The following PLEKHG4B variants were observed in gnomAD, a reference collection of about 807,000 sequenced individuals.
PLEKHG4B encodes pleckstrin homology domain-containing family G member 4B.
A neutral mutation model predicts 121.3 loss-of-function variants in PLEKHG4B; 111 were observed. The observed-to-expected ratio is 0.92, with a 90% CI of 0.78 to 1.07. The LOEUF is 1.07. Ranked by LOEUF, PLEKHG4B falls within the 50% of genes least tolerant of loss-of-function variation. The pLI, the probability that PLEKHG4B is intolerant of heterozygous loss-of-function variation, is 0.00. For missense variants in PLEKHG4B, 1,831 were observed against 1,757.8 expected (o/e 1.04, Z -0.74); for synonymous variants, 738 against 725.0 (o/e 1.02, Z -0.29).
chr5:106,889 C>G (rs541219439), intron 1 of PLEKHG4B, among the ~76,000 whole-genome samples: 3 of 152,252 alleles, frequency 2.0e-5, no homozygotes, highest in Admixed American at 1.3e-4. Flanking sequence ...GGGCGCAGTT[C>G]TCGTGTATGT....
intron 6 of PLEKHG4B, among the ~76,000 whole-genome samples, chr5:147,626 T>TA (rs1735462694): frequency 6.6e-6 from 1 of 152,216 alleles, no homozygotes; most frequent in African/African-American, 2.4e-5. Context: ...ACAAGGTAGA[T>TA]ACAGTGTGAA....
intron 1 of PLEKHG4B, among the ~76,000 whole-genome samples, chr5:93,477 A>AC (rs757246393): frequency 2.6e-4 from 37 of 141,546 alleles, no homozygotes; most frequent in Non-Finnish European, 4.1e-4. Context: ...GTGTTTGGTG[A>AC]CCCCCCCACC....
chr5:102,993 C>T lies in PLEKHG4B; in HGVS notation c.46-10258C>T, dbSNP rs545392977. 4.2e-4 allele frequency among the ~76,000 whole-genome samples: 64 copies of T among 152,286 alleles called. 2 individuals carry two copies. The highest frequency in any genetic ancestry group is 3.4e-3 in the Middle Eastern group (1 of 294). On this transcript the variant is annotated intron_variant, in intron 1 of 19. Transcript: ENST00000637938. ...TTGCTAGCACATCTGGCTGAGGCTC[C>T]GGGTGAGGCATCAGGAAGTTTGCAC...
chr5:140,731 C>T lies in PLEKHG4B; in HGVS notation c.1477+15C>T, dbSNP rs776548869. On this transcript the variant is annotated intron_variant, in intron 3 of 19. Coordinates refer to ENST00000637938, the MANE Select transcript of PLEKHG4B (RefSeq NM_052909.5). The stretch of plus-strand genomic sequence containing the variant: ...CAAAGAGGAAGGTAAATGCTCCCCA[C>T]GCCCTCCCCTGCGCACCCCCACAAC... 1.1e-5 allele frequency: 17 copies of T among 1,538,510 alleles called. No individual in the cohort carries two copies. The highest frequency in any genetic ancestry group is 8.3e-5 in the African/African-American group (6 of 72,192).
At chr5:112,527 CA>C (rs1439218576) in intron 1 of PLEKHG4B, among the ~76,000 whole-genome samples, 1 of 152,160 alleles carries the variant, frequency 6.6e-6, no homozygotes, top group Non-Finnish European at 1.5e-5. Flanking sequence ...CTAAAAACAG[CA>C]TTACAAATTT....
chr5:169,676 G>A, intron 14 of PLEKHG4B, 84 bp downstream of exon 14: 2 of 1,560,442 alleles, frequency 1.3e-6, no homozygotes, highest in South Asian at 2.4e-5. Context: ...GGGCCCACGT[G>A]TCAGGCGGTT....
intron 1 of PLEKHG4B, among the ~76,000 whole-genome samples, chr5:105,458 A>G (rs889973969): frequency 6.6e-6 from 1 of 152,182 alleles, no homozygotes; most frequent in Non-Finnish European, 1.5e-5. Flanking sequence ...CAGATCTACA[A>G]TTTAGAAAAA....
chr5:108,265 A>G (rs923643232), intron 1 of PLEKHG4B, among the ~76,000 whole-genome samples: 15 of 152,362 alleles, frequency 9.8e-5, no homozygotes, highest in African/African-American at 3.6e-4. Context: ...GAACTCTTCA[A>G]AGAACGTAGA....
At chr5:179,401 C>G (rs1579333848) in intron 18 of PLEKHG4B, 1 of 152,638 alleles carries the variant, frequency 6.6e-6, no homozygotes, top group South Asian at 2.1e-4. Context: ...CACACACCCT[C>G]TGGAAGACAG....
At chr5:95,703 T>G (rs149633278) in intron 1 of PLEKHG4B, among the ~76,000 whole-genome samples, 21 of 152,262 alleles carry the variant, frequency 1.4e-4, no homozygotes, top group African/African-American at 5.1e-4. Context: ...TTCCTGAGAT[T>G]GTCAAGAATA....
chr5:110,537 G>A (rs950668749), intron 1 of PLEKHG4B, among the ~76,000 whole-genome samples: 2 of 136,402 alleles, frequency 1.5e-5, no homozygotes, highest in Non-Finnish European at 3.0e-5. Context: ...CACACAATCT[G>A]CAACACACGT....
At chr5:124,167 G>T (rs532473558) in intron 2 of PLEKHG4B, among the ~76,000 whole-genome samples, 1 of 151,814 alleles carries the variant, frequency 6.6e-6, no homozygotes, top group South Asian at 2.1e-4. Flanking sequence ...TTCTGTTATT[G>T]ACTTCCAACT....
chr5:106,768 G>A (rs1394082604), intron 1 of PLEKHG4B, among the ~76,000 whole-genome samples: 4 of 152,232 alleles, frequency 2.6e-5, no homozygotes, highest in African/African-American at 9.6e-5. Context: ...GAGGAGTGTA[G>A]CTGCAGTTTC....
intron 3 of PLEKHG4B, among the ~76,000 whole-genome samples, chr5:142,821 C>T (rs1481001296): frequency 6.6e-6 from 1 of 152,244 alleles, no homozygotes; most frequent in East Asian, 1.9e-4. Flanking sequence ...TGTCTGTGAG[C>T]TGGAGACTCC....
At chr5:101,783 G>C (rs1171905315) in intron 1 of PLEKHG4B, among the ~76,000 whole-genome samples, 15 of 134,762 alleles carry the variant, frequency 1.1e-4, no homozygotes, top group Admixed American at 9.1e-4. Flanking sequence ...GCCTGTAGGG[G>C]AGAGACTGTT....
chr5:103,759 C>G (rs1190060083), intron 1 of PLEKHG4B, among the ~76,000 whole-genome samples: 1 of 152,172 alleles, frequency 6.6e-6, no homozygotes, highest in Non-Finnish European at 1.5e-5. Flanking sequence ...GTAATCTATA[C>G]AACAAATTAT....
chr5:101,667 GCC>G (rs1393705558), intron 1 of PLEKHG4B, among the ~76,000 whole-genome samples: 18 of 136,706 alleles, frequency 1.3e-4, no homozygotes, highest in African/African-American at 1.9e-4. Flanking sequence ...TCTGGAAAAA[GCC>G]TGTAGGGGAG....
At position 155,462 on chromosome 5, in the gene PLEKHG4B, A is replaced by G; in HGVS notation, c.2208+19A>G. On this transcript the variant is annotated intron_variant, in intron 9 of 19. Transcript: ENST00000637938. ...AGCCCAGGTGAGTCCTCAGACTTGC[A>G]GGTAAGTTCATTTCATGTGACAGGT... The G allele has an allele frequency of 6.3e-7, 1 of 1,592,798 alleles. No homozygotes were observed. Among genetic ancestry groups the G allele is most frequent in the Non-Finnish European group, 8.6e-7 (1 of 1,160,544 alleles).
At chr5:105,040 GA>G (rs1310400520) in intron 1 of PLEKHG4B, among the ~76,000 whole-genome samples, 1 of 152,142 alleles carries the variant, frequency 6.6e-6, no homozygotes, top group African/African-American at 2.4e-5. Context: ...CCTGAAGGTG[GA>G]AAAACAGTGC....
Sources: allele counts gnomAD v4.1 joint callset (sites outside exome capture counted in the v4.1 genomes callset), GRCh38; gene constraint gnomAD v4.1.1; transcripts MANE v1.5; gene names NCBI Gene and HGNC (gene_info 2026-07-23, HGNC 2026-07-21).